EIF2AK1: variants seen among roughly 807,000 people sequenced by gnomAD.
EIF2AK1 encodes eukaryotic translation initiation factor 2 alpha kinase 1, also known as eukaryotic translation initiation factor 2-alpha kinase 1.
A neutral mutation model predicts 77.9 loss-of-function variants in EIF2AK1; 54 were observed. The observed-to-expected ratio is 0.69, with a 90% CI of 0.56 to 0.87. The LOEUF is 0.87. Ranked by LOEUF, EIF2AK1 falls within the 40% of genes least tolerant of loss-of-function variation. EIF2AK1 has a pLI of 0.00. For missense variants in EIF2AK1, 810 were observed against 768.6 expected, an observed-to-expected ratio of 1.05 and a Z score of -0.64; for synonymous variants, 314 against 290.5, an observed-to-expected ratio of 1.08 and a Z score of -0.82.
intron 14 of EIF2AK1, chr7:6,026,388 C>T (rs1787746760): frequency 2.0e-6 from 1 of 510,086 alleles, no homozygotes; most frequent in East Asian, 5.7e-5. Context: ...CCCCTCCGGC[C>T]TTTCCGGGAA....
chr7:6,052,484 T>C (rs866555751), intron 2 of EIF2AK1, among the ~76,000 whole-genome samples: 2 of 150,974 alleles, frequency 1.3e-5, no homozygotes, highest in Middle Eastern at 3.4e-3. Flanking sequence ...CCATTTTTCA[T>C]GTCCCATCAA....
intron 1 of EIF2AK1, among the ~76,000 whole-genome samples, chr7:6,056,779 A>G (rs1788786800): frequency 6.6e-6 from 1 of 151,466 alleles, no homozygotes; most frequent in Non-Finnish European, 1.5e-5. Context: ...GTTTGCAGAA[A>G]CCCTTATCAC....
Position 6,050,002 on chromosome 7 carries a change from G to A in EIF2AK1, c.321C>T (p.Phe107=), listed in dbSNP as rs372789678. 43 of 1,612,778 alleles carry A rather than the reference G, an allele frequency of 2.7e-5. No homozygotes were observed. Among genetic ancestry groups the A allele is most frequent in the Non-Finnish European group, 3.4e-5 (40 of 1,179,536 alleles). Reference sequence around the variant, plus strand: ...ATGAGCTAAACTCGTCACTACAAGTGAAAGAAGACAGCAGCCCCATTTTGA... The same window carrying A: ...ATGAGCTAAACTCGTCACTACAAGTAAAAGAAGACAGCAGCCCCATTTTGA... ...TFIKMGLLSS[F]TCSDEFSSLR... is the part of the protein sequence containing the mutation. Residue 107 remains phenylalanine, a synonymous_variant, in exon 3 of 15, where the codon TTC becomes TTT. Transcript: ENST00000199389.
intron 1 of EIF2AK1, among the ~76,000 whole-genome samples, chr7:6,056,170 G>C (rs1788753217): frequency 6.8e-6 from 1 of 146,320 alleles, no homozygotes; most frequent in South Asian, 2.2e-4. Flanking sequence ...GTGTGCACCT[G>C]TGATCCCAGC....
Position 6,035,610 on chromosome 7 carries a change from A to G in EIF2AK1, c.1332+1814T>C, listed in dbSNP as rs983896220. 1.8e-5 allele frequency: 28 copies of G among 1,550,880 alleles called. No homozygotes were observed. The highest frequency in any genetic ancestry group is 2.4e-5 in the Non-Finnish European group (27 of 1,147,074). ...GTGTGCGCACGGAGCTCAAGTGAAC[A>G]CTCAAGGGGAAATCAGCAACAAACG... On this transcript the variant is annotated intron_variant, in intron 11 of 14. Coordinates refer to ENST00000199389, the MANE Select transcript of EIF2AK1 (RefSeq NM_014413.4). The surrounding 1 kb of genome is among the most constrained non-coding windows in gnomAD (Gnocchi z 5.5).
intron 7 of EIF2AK1, among the ~76,000 whole-genome samples, chr7:6,043,688 A>C (rs1301288278): frequency 6.6e-6 from 1 of 151,466 alleles, no homozygotes; most frequent in African/African-American, 2.4e-5. Context: ...CGGCCTCCCA[A>C]AGTGTTGGGA....
chr7:6,055,771 A>C (rs1031779586), intron 1 of EIF2AK1, among the ~76,000 whole-genome samples: 1 of 151,632 alleles, frequency 6.6e-6, no homozygotes. Context: ...ACCTAAGGTC[A>C]GGAGTTCGAG....
rs565026802 is a variant in EIF2AK1, at chr7:6,036,339, A to G, written c.1332+1085T>C. 1.3e-6 allele frequency: 2 copies of G among 1,535,526 alleles called. No individual in the cohort carries two copies. The highest frequency in any genetic ancestry group is 2.8e-5 in the African/African-American group (2 of 72,618). On this transcript the variant is annotated intron_variant, in intron 11 of 14. Coordinates refer to ENST00000199389, the MANE Select transcript of EIF2AK1 (RefSeq NM_014413.4). This position sits in a 1 kb window ranked among gnomAD's most constrained non-coding sequence, Gnocchi z 4.6. ...CTTGAAGCAATTCCTCCCAGTGACA[A>G]TATGGAATTCTGTCTACTGCTGTTA...
chr7:6,053,717 G>A (rs1046976923), intron 2 of EIF2AK1, among the ~76,000 whole-genome samples: 1 of 145,396 alleles, frequency 6.9e-6, no homozygotes, highest in Non-Finnish European at 1.5e-5. Context: ...GCCCAGGCTG[G>A]AGTGCAGTGG....
chr7:6,056,750 C>A (rs1234923853), intron 1 of EIF2AK1, among the ~76,000 whole-genome samples: 1 of 150,478 alleles, frequency 6.6e-6, no homozygotes, highest in Non-Finnish European at 1.5e-5. Flanking sequence ...AAGATCACTC[C>A]CTTCAAAAAT....
intron 1 of EIF2AK1, 111 bp downstream of exon 1, chr7:6,058,855 G>A: frequency 2.0e-6 from 2 of 979,338 alleles, no homozygotes; most frequent in Non-Finnish European, 2.8e-6. Context: ...CAACCCTGGA[G>A]GCAGCCAAAG....
intron 9 of EIF2AK1, among the ~76,000 whole-genome samples, chr7:6,040,058 T>C (rs914339817): frequency 1.3e-5 from 2 of 152,154 alleles, no homozygotes; most frequent in African/African-American, 4.8e-5. Context: ...GTGTAGACCC[T>C]GACAATTTTC....
At chr7:6,039,701 G>A (rs1449753683) in intron 9 of EIF2AK1, among the ~76,000 whole-genome samples, 4 of 149,778 alleles carry the variant, frequency 2.7e-5, no homozygotes, top group Non-Finnish European at 4.4e-5. Flanking sequence ...TTGGGAGGCC[G>A]AGGCAGGTGG....
In EIF2AK1 at chr7:6,033,178, A is replaced by G. The variant is rs1356666105; in HGVS notation, c.1333-4146T>C. 6.6e-6 allele frequency among the ~76,000 whole-genome samples: 1 copy of G among 152,178 alleles called. No homozygotes were observed. On this transcript the variant is annotated intron_variant, in intron 11 of 14. Transcript: ENST00000199389. This position sits in a 1 kb window ranked among gnomAD's most constrained non-coding sequence, Gnocchi z 4.4. ...GAGACAGGGTTTCACCATGTTGGCC[A>G]GGCTGGTCTTGAACTCCTGGCCTCA...
At position 6,036,858 on chromosome 7, in the gene EIF2AK1, C is replaced by T. The variant is rs1022577759; in HGVS notation, c.1332+566G>A. ...ATACATTTAGCACCCCTGATTATAG[C>T]AGTACTCAGAGCACCTGAAAAAAAG... is the stretch of plus-strand genomic sequence containing the variant. On this transcript the variant is annotated intron_variant, in intron 11 of 14. Transcript: ENST00000199389. This position sits in a 1 kb window ranked among gnomAD's most constrained non-coding sequence, Gnocchi z 4.6. 1.1e-4 allele frequency among the ~76,000 whole-genome samples: 17 copies of T among 152,176 alleles called. No individual in the cohort carries two copies. In the South Asian group the frequency reaches 1.9e-3, roughly 17 times the overall value.
Position 6,041,006 on chromosome 7 carries a change from G to A in EIF2AK1, c.1005C>T (p.Ala335=), listed in dbSNP as rs777309214. 5 of 1,614,142 alleles carry A rather than the reference G, an allele frequency of 3.1e-6. No individual in the cohort carries two copies. In the Admixed American group the frequency reaches 6.7e-5, roughly 22 times the overall value. The change falls in exon 9 of 15, where the codon GCC becomes GCT. Residue 335 remains alanine (A), a synonymous_variant. Coordinates refer to ENST00000199389, the MANE Select transcript of EIF2AK1 (RefSeq NM_014413.4). ...GCAGCTGCTGTTCCACAATTGAACT[G>A]GCAGACAAACCAGCCAAGCCATTTT... ...LQENGLAGLS[A]SSIVEQQLPL...
chr7:6,023,342 G>GC lies in EIF2AK1; in HGVS notation c.*1330dup. 1 of 1,610,198 alleles carries GC rather than the reference G, an allele frequency of 6.2e-7. No individual in the cohort carries two copies. The highest frequency in any genetic ancestry group is 8.5e-7 in the Non-Finnish European group (1 of 1,178,872). On this transcript the variant is annotated 3_prime_UTR_variant, in exon 15 of 15. Coordinates refer to ENST00000199389, the MANE Select transcript of EIF2AK1 (RefSeq NM_014413.4). The stretch of plus-strand genomic sequence containing the variant: ...ATGAAATTCAGCATCCAGACGATGT[G>GC]CCCCATCGAAGGCGAAGGGAACATT...
intron 1 of EIF2AK1, among the ~76,000 whole-genome samples, chr7:6,057,274 G>A (rs1372609085): frequency 2.6e-5 from 4 of 151,300 alleles, no homozygotes; most frequent in African/African-American, 4.9e-5. Flanking sequence ...GTAGTATTAA[G>A]GATAAAAATG....
At chr7:6,058,127 G>A in intron 1 of EIF2AK1, 1 of 455,582 alleles carries the variant, frequency 2.2e-6, no homozygotes, top group Non-Finnish European at 4.4e-6. Flanking sequence ...GAAAACTTGG[G>A]GGCTGAGAGT....
Sources: allele counts gnomAD v4.1 joint callset (sites outside exome capture counted in the v4.1 genomes callset), GRCh38; gene constraint gnomAD v4.1.1; non-coding constraint Gnocchi (gnomAD v3.1); transcripts MANE v1.5; gene names NCBI Gene and HGNC (gene_info 2026-07-23, HGNC 2026-07-21).